Variants in TK1 observed in about 807,000 individuals in gnomAD.
TK1 encodes the protein thymidine kinase 1.
TK1 carries 13 observed loss-of-function variants against 22.4 expected under a neutral mutation model. The ratio of observed to expected loss-of-function variants is 0.58; its 90% CI spans 0.38 to 0.92. TK1 has a LOEUF of 0.92. Ranked by LOEUF, TK1 falls within the 40% of genes least tolerant of loss-of-function variation. TK1 has a pLI of 0.00. For missense variants in TK1, 251 were observed against 315.7 expected (o/e 0.80, Z 1.55); for synonymous variants, 134 against 125.4 (o/e 1.07, Z -0.46).
At chr17:78,185,316 T>A (rs747368983) in intron 2 of TK1, among the ~76,000 whole-genome samples, 151 bp from the exon 3 acceptor site, 3 of 151,226 alleles carry the variant, frequency 2.0e-5, no homozygotes, top group Non-Finnish European at 4.4e-5. Context: ...GCAGGCAGGG[T>A]ATAATATCCC....
chr17:78,182,905 C>G (rs1255917157), intron 3 of TK1, among the ~76,000 whole-genome samples: 1 of 152,228 alleles, frequency 6.6e-6, no homozygotes, highest in Non-Finnish European at 1.5e-5. Context: ...GTCACCCAGG[C>G]TGGAGTGCAG....
chr17:78,175,788 C>T (rs1429413951), intron 4 of TK1, among the ~76,000 whole-genome samples, 170 bp from the exon 5 acceptor site: 2 of 152,110 alleles, frequency 1.3e-5, no homozygotes, highest in East Asian at 3.9e-4. Flanking sequence ...CACCCGCACG[C>T]CCCCCAGCAG....
intron 3 of TK1, among the ~76,000 whole-genome samples, 167 bp downstream of exon 3, chr17:78,184,888 C>G (rs1215894622): frequency 1.3e-5 from 2 of 152,022 alleles, no homozygotes; most frequent in African/African-American, 4.8e-5. Context: ...GGCTCCAGCC[C>G]AGGGAGTGGA....
chr17:78,179,147 C>A (rs1412315006), intron 4 of TK1: 1 of 985,032 alleles, frequency 1.0e-6, no homozygotes, highest in Non-Finnish European at 1.2e-6. Flanking sequence ...GCCAGGAGAA[C>A]AGAGCTATTG....
rs771221497 is a variant in TK1 at position 78,174,869 on chromosome 17, C to A, written c.595G>T (p.Gly199Trp). The change falls in exon 7 of 7, where the codon GGG (glycine) becomes TGG (tryptophan). Residue 199 changes from glycine to tryptophan, a missense_variant. Transcript: ENST00000301634. ...YFKKASGQPA[G>W]PDNKENCPVP... Reference sequence around the variant, plus strand: ...GGGCAGTTCTCTTTGTTGTCCGGCCCGGCAGGCTGGCCTGAGGCCTTCTTG... The same window carrying A: ...GGGCAGTTCTCTTTGTTGTCCGGCCAGGCAGGCTGGCCTGAGGCCTTCTTG... 2.5e-6 allele frequency: 4 copies of A among 1,613,696 alleles called. No individual in the cohort carries two copies. Among genetic ancestry groups the A allele is most frequent in the East Asian group, 4.5e-5 (2 of 44,886 alleles).
intron 4 of TK1, among the ~76,000 whole-genome samples, chr17:78,181,159 T>C (rs887439919): frequency 2.6e-5 from 4 of 152,068 alleles, no homozygotes; most frequent in Admixed American, 6.6e-5. Context: ...GAGGCAGAAC[T>C]GCTTGAACCC....
chr17:78,175,173 C>A lies in TK1; in HGVS notation c.394-4G>T. The A allele has an allele frequency of 6.3e-7, 1 of 1,597,652 alleles. No homozygotes were observed. Among genetic ancestry groups the A allele is most frequent in the Non-Finnish European group, 8.5e-7 (1 of 1,177,724 alleles). ...GGTTCAGGATGGCCCCAAATGGCTGCGCTCCCATGGAAAGACAGAGGGCGC... is the reference window on the plus strand; with the variant it reads ...GGTTCAGGATGGCCCCAAATGGCTGAGCTCCCATGGAAAGACAGAGGGCGC... On this transcript the variant is annotated splice_polypyrimidine_tract_variant and splice_region_variant and intron_variant, in intron 5 of 6. Transcript: ENST00000301634.
chr17:78,180,869 T>C (rs1005184816), intron 4 of TK1, among the ~76,000 whole-genome samples: 4 of 152,164 alleles, frequency 2.6e-5, no homozygotes, highest in African/African-American at 9.7e-5. Context: ...AGAGAACAGA[T>C]AGAATACCTG....
intron 4 of TK1, among the ~76,000 whole-genome samples, chr17:78,177,741 T>G (rs2075711192): frequency 6.6e-6 from 1 of 151,224 alleles, no homozygotes; most frequent in African/African-American, 2.4e-5. Context: ...GCCTGGCTAA[T>G]TTTTTTGTAT....
chr17:78,185,587 C>T (rs745957205), intron 2 of TK1, among the ~76,000 whole-genome samples: 71 of 152,042 alleles, frequency 4.7e-4, no homozygotes, highest in African/African-American at 1.5e-3. Flanking sequence ...TGCAGTGGAG[C>T]GATCTCAGCT....
intron 4 of TK1, 136 bp from the exon 5 acceptor site, chr17:78,175,754 C>G (rs1253840405): frequency 1.4e-6 from 1 of 710,718 alleles, no homozygotes; most frequent in Non-Finnish European, 2.3e-6. Context: ...TCCCACGAGG[C>G]TCCCCAGGCC....
chr17:78,181,766 C>G (rs2075739596), intron 4 of TK1, among the ~76,000 whole-genome samples: 1 of 148,408 alleles, frequency 6.7e-6, no homozygotes, highest in East Asian at 2.0e-4. Context: ...CCACCTCCCC[C>G]TTTTTTTTTT....
chr17:78,175,822 GC>G (rs1014612461), intron 4 of TK1, among the ~76,000 whole-genome samples: 1 of 152,088 alleles, frequency 6.6e-6, no homozygotes, highest in Non-Finnish European at 1.5e-5. Flanking sequence ...CCACAACTGC[GC>G]AGCCCCTTCC....
At chr17:78,179,713 C>T (rs1041292968) in intron 4 of TK1, 5 of 985,376 alleles carry the variant, frequency 5.1e-6, no homozygotes, top group Non-Finnish European at 6.0e-6. Flanking sequence ...GGAGGCAGGG[C>T]GGGTAGAGAC....
At chr17:78,179,769 A>C in intron 4 of TK1, 2 of 985,088 alleles carry the variant, frequency 2.0e-6, no homozygotes, top group Non-Finnish European at 2.4e-6. Context: ...CCTCCAGGGT[A>C]TAGAACTAGA....
At chr17:78,186,675 G>GAGGGACGGGA in intron 2 of TK1, 112 bp downstream of exon 2, 1 of 885,992 alleles carries the variant, frequency 1.1e-6, no homozygotes, top group Non-Finnish European at 1.6e-6. Flanking sequence ...AAGGGAAGGG[G>GAGGGACGGGA]AGGGAAGGGA....
At chr17:78,178,267 C>A (rs2075715021) in intron 4 of TK1, among the ~76,000 whole-genome samples, 1 of 152,190 alleles carries the variant, frequency 6.6e-6, no homozygotes, top group South Asian at 2.1e-4. Flanking sequence ...GCAAGGGTGC[C>A]CACCCACCAC....
intron 3 of TK1, among the ~76,000 whole-genome samples, 161 bp from the exon 4 acceptor site, chr17:78,182,843 C>G (rs748475148): frequency 6.6e-6 from 1 of 152,182 alleles, no homozygotes; most frequent in African/African-American, 2.4e-5. Flanking sequence ...GAAAGGCCCT[C>G]GTCCAGAAAA....
chr17:78,175,523 C>T lies in TK1; in HGVS notation c.393+6G>A. On this transcript the variant is annotated splice_donor_region_variant and intron_variant, in intron 5 of 6. Transcript: ENST00000301634. Reference sequence around the variant, plus strand: ...CCCAGCTCCAGACCTGGATCAGACGCCTTACCTTCCTCTGGAAGGTCCCAT... The same window carrying T: ...CCCAGCTCCAGACCTGGATCAGACGTCTTACCTTCCTCTGGAAGGTCCCAT... The T allele has an allele frequency of 3.1e-6, 5 of 1,612,514 alleles. No homozygotes were observed. Among genetic ancestry groups the T allele is most frequent in the Non-Finnish European group, 4.2e-6 (5 of 1,179,230 alleles).
Sources: allele counts gnomAD v4.1 joint callset (sites outside exome capture counted in the v4.1 genomes callset), GRCh38; gene constraint gnomAD v4.1.1; transcripts MANE v1.5; gene names NCBI Gene and HGNC (gene_info 2026-07-23, HGNC 2026-07-21).